The following CDC23 variants were observed in gnomAD, a reference collection of about 807,000 sequenced individuals.
The protein encoded by CDC23 is cell division cycle protein 23 homolog.
In CDC23, 26 loss-of-function variants were observed where a neutral mutation model predicts 81.7. That is an observed-to-expected ratio of 0.32 (90% CI 0.23 to 0.44). The LOEUF is 0.44. CDC23 is among the 20% of genes least tolerant of loss of function. CDC23 has a pLI of 1.00. For missense variants in CDC23, 519 were observed against 728.0 expected (o/e 0.71, Z 3.30); for synonymous variants, 267 against 270.8 (o/e 0.99, Z 0.14).
chr5:138,200,341 A>G (rs890448544), intron 6 of CDC23, among the ~76,000 whole-genome samples: 1 of 152,102 alleles, frequency 6.6e-6, no homozygotes, highest in African/African-American at 2.4e-5. Context: ...CACGTTGACC[A>G]GGCTGGTCTT....
Position 138,213,065 on chromosome 5 carries a change from TG to T in CDC23, c.162-3del. The T allele has an allele frequency of 1.2e-6, 2 of 1,614,026 alleles. No individual in the cohort carries two copies. Among genetic ancestry groups the T allele is most frequent in the Non-Finnish European group, 8.5e-7 (1 of 1,179,988 alleles). On this transcript the variant is annotated splice_polypyrimidine_tract_variant and splice_region_variant and intron_variant, in intron 1 of 15. Transcript: ENST00000394886. ...AGAGAGAAAGCCAACTCCGCCGACC[TG>T]GAACACCCACACAAACTAGATCAGC...
intron 2 of CDC23, among the ~76,000 whole-genome samples, chr5:138,209,430 A>AAAAAAG (rs1554107753): frequency 2.6e-5 from 4 of 151,078 alleles, no homozygotes; most frequent in African/African-American, 9.8e-5. Context: ...TCAAAAAAAA[A>AAAAAAG]AAAAGAAAAG....
intron 2 of CDC23, 124 bp downstream of exon 2, chr5:138,212,857 TCTTTGAATGC>T: frequency 1.5e-6 from 1 of 683,920 alleles, no homozygotes; most frequent in South Asian, 1.7e-5. Flanking sequence ...AACACTCAGC[TCTTTGAATGC>T]CTGAATTCCC....
At chr5:138,202,490 G>A (rs1755000627) in intron 3 of CDC23, among the ~76,000 whole-genome samples, 1 of 152,096 alleles carries the variant, frequency 6.6e-6, no homozygotes, top group Non-Finnish European at 1.5e-5. Context: ...CATCATGCTG[G>A]TCAGGCTGGT....
intron 13 of CDC23, 80 bp from the exon 14 acceptor site, chr5:138,189,986 C>T (rs907138558): frequency 2.7e-6 from 3 of 1,111,122 alleles, no homozygotes; most frequent in African/African-American, 3.1e-5. Flanking sequence ...TACATAAGAC[C>T]AAAAAAAACA....
chr5:138,203,541 T>C (rs537795236), intron 3 of CDC23, among the ~76,000 whole-genome samples: 1 of 152,050 alleles, frequency 6.6e-6, no homozygotes, highest in East Asian at 1.9e-4. Context: ...TTAGCGGAGA[T>C]TAAAGAGACA....
At chr5:138,195,467 A>T (rs990490616) in intron 9 of CDC23, among the ~76,000 whole-genome samples, 3 of 140,826 alleles carry the variant, frequency 2.1e-5, no homozygotes, top group Non-Finnish European at 4.5e-5. Context: ...TCCAAAGCTT[A>T]ACTATGCTAT....
At chr5:138,193,168 T>C (rs530489540) in intron 9 of CDC23, among the ~76,000 whole-genome samples, 1 of 152,316 alleles carries the variant, frequency 6.6e-6, no homozygotes, top group South Asian at 2.1e-4. Context: ...GCTCAAGCGA[T>C]CTTCCTGCCT....
intron 3 of CDC23, among the ~76,000 whole-genome samples, chr5:138,202,966 G>A (rs895210410): frequency 1.3e-5 from 2 of 152,172 alleles, no homozygotes; most frequent in African/African-American, 4.8e-5. Context: ...GGAAATAACA[G>A]TAACTACACA....
At chr5:138,191,592 CAT>C in intron 12 of CDC23, 57 bp from the exon 13 acceptor site, 2 of 1,511,478 alleles carry the variant, frequency 1.3e-6, no homozygotes, top group Admixed American at 1.7e-5. Flanking sequence ...ACAACTAAAT[CAT>C]ATGAAGGTTA....
At chr5:138,195,749 A>ATATATATACATATAATATATATGTG (rs1561634168) in intron 9 of CDC23, among the ~76,000 whole-genome samples, 27 of 114,800 alleles carry the variant, frequency 2.4e-4, no homozygotes, top group South Asian at 4.6e-4. Context: ...ATATATATGT[A>ATATATATACATATAATATATATGTG]TATATATACA....
chr5:138,201,023 C>G, intron 6 of CDC23, 84 bp downstream of exon 6: 1 of 1,498,790 alleles, frequency 6.7e-7, no homozygotes, highest in East Asian at 2.3e-5. Flanking sequence ...AAAGCCCTGC[C>G]AAAACTTTCC....
chr5:138,210,253 C>T lies in CDC23; in HGVS notation c.234+2738G>A, dbSNP rs547704902. Among the ~76,000 whole-genome samples the T allele has an allele frequency of 1.3e-4, 19 of 149,430 alleles. 1 individual carries two copies. Among genetic ancestry groups the T allele is most frequent in the Middle Eastern group, 3.7e-3 (1 of 272 alleles). On this transcript the variant is annotated intron_variant, in intron 2 of 15. Coordinates refer to ENST00000394886, the MANE Select transcript of CDC23 (RefSeq NM_004661.4). ...AAAAATTCACAGTTTTGGCCAGGCA[C>T]GGTGGCTCACACCTGTAACCCCAGC...
rs1460463513 is a variant in CDC23, at chr5:138,187,677, C to T, written c.*1301G>A. ...ATTGTTCACATTTTTTATTGAATTC[C>T]AAATGTAGCAAAATCATTAAAACAA... On this transcript the variant is annotated 3_prime_UTR_variant, in exon 16 of 16. Transcript: ENST00000394886. 9.9e-6 allele frequency: 3 copies of T among 304,556 alleles called. No individual in the cohort carries two copies. Among genetic ancestry groups the T allele is most frequent in the Non-Finnish European group, 1.8e-5 (3 of 162,964 alleles). The allele number at this position is 304,556 out of a possible 1,614,324, so 18.9% of individuals were successfully genotyped here.
At chr5:138,195,604 A>G (rs2126581830) in intron 9 of CDC23, among the ~76,000 whole-genome samples, 1 of 112,886 alleles carries the variant, frequency 8.9e-6, no homozygotes, top group African/African-American at 3.4e-5. Flanking sequence ...TATATTATAT[A>G]TGATATATTT....
chr5:138,192,662 T>G lies in CDC23; in HGVS notation c.1013-5A>C. On this transcript the variant is annotated splice_polypyrimidine_tract_variant and splice_region_variant and intron_variant, in intron 9 of 15. Coordinates refer to ENST00000394886, the MANE Select transcript of CDC23 (RefSeq NM_004661.4). ...AACGTAAACTGTAATAATTGCCTGATTAAAAATCAAACAAAAAAATGAATA... is the reference window on the plus strand; with the variant it reads ...AACGTAAACTGTAATAATTGCCTGAGTAAAAATCAAACAAAAAAATGAATA... The G allele has an allele frequency of 6.3e-7, 1 of 1,598,104 alleles. No individual in the cohort carries two copies. Among genetic ancestry groups the G allele is most frequent in the Non-Finnish European group, 8.5e-7 (1 of 1,175,752 alleles).
Position 138,206,613 on chromosome 5 carries a change from T to A in CDC23, c.306A>T (p.Ala102=), listed in dbSNP as rs1416784137. Residue 102 remains alanine (A), a synonymous_variant, in exon 3 of 16, where the codon GCA becomes GCT. Coordinates refer to ENST00000394886, the MANE Select transcript of CDC23 (RefSeq NM_004661.4). ...AYFDVKEYDR[A]AHFLHGCNSK... is the part of the protein sequence containing the mutation. ...TATTGCAGCCATGCAGGAAATGTGC[T>A]GCCCGATCATACTCTTTAACGTCAA... 2 of 1,614,148 alleles carry A rather than the reference T, an allele frequency of 1.2e-6. No individual in the cohort carries two copies. The highest frequency in any genetic ancestry group is 2.2e-5 in the South Asian group (2 of 91,090).
intron 9 of CDC23, among the ~76,000 whole-genome samples, chr5:138,196,890 C>CA (rs1754918504): frequency 8.8e-6 from 1 of 113,422 alleles, no homozygotes; most frequent in Non-Finnish European, 1.8e-5. Flanking sequence ...TTTTTTTTTC[C>CA]TTTTTTTTTT....
In CDC23 at chr5:138,188,412, A is replaced by G. The variant is rs949076014; in HGVS notation, c.*566T>C. On this transcript the variant is annotated 3_prime_UTR_variant, in exon 16 of 16. Coordinates refer to ENST00000394886, the MANE Select transcript of CDC23 (RefSeq NM_004661.4). ...TTGAAAGCTTTAGAAGACCCCCCCA[A>G]AACTGTTTTGGAAGATTGTCTCCCT... 3 of 152,090 alleles carry G rather than the reference A, an allele frequency of 2.0e-5. No homozygotes were observed. Among genetic ancestry groups the G allele is most frequent in the African/African-American group, 4.8e-5 (2 of 41,402 alleles). 9.4% of individuals were successfully genotyped at this position (152,090 alleles called of 1,614,324 possible).
Sources: gnomAD v4.1 joint callset for allele counts (sites outside exome capture counted in the v4.1 genomes callset) on GRCh38, gnomAD v4.1.1 for gene constraint, MANE v1.5 for transcripts, NCBI Gene and HGNC (gene_info 2026-07-23, HGNC 2026-07-21) for gene names.